ANK3: variants seen among roughly 807,000 people sequenced by gnomAD.
The protein encoded by ANK3 is ankyrin 3, also known as ankyrin-3.
ANK3 carries 57 observed loss-of-function variants against 370.9 expected under a neutral mutation model. The ratio of observed to expected loss-of-function variants is 0.15; its 90% CI spans 0.12 to 0.19. The LOEUF (loss-of-function observed/expected upper bound fraction) is 0.19. ANK3 is among the 10% of genes least tolerant of loss of function. The probability of loss-of-function intolerance (pLI) is 1.00; values close to 1 mark genes in which losing one functional copy is unlikely to be tolerated. For missense variants in ANK3, 4,439 were observed against 5,302.1 expected, an observed-to-expected ratio of 0.84 and a Z score of 5.06; for synonymous variants, 1,929 against 1,946.3, an observed-to-expected ratio of 0.99 and a Z score of 0.23.
At chr10:60,064,557 G>A (rs1028109249) in intron 38 of ANK3, among the ~76,000 whole-genome samples, 3 of 152,072 alleles carry the variant, frequency 2.0e-5, no homozygotes, top group African/African-American at 7.2e-5. Context: ...GCTGGGCACA[G>A]TGGCCCATAC....
At position 60,279,100 on chromosome 10, in the gene ANK3, C is replaced by A. The variant is rs759345233; in HGVS notation, c.265G>T (p.Val89Phe). 1.9e-6 allele frequency: 3 copies of A among 1,613,792 alleles called. No homozygotes were observed. The African/African-American group carries it at 4.0e-5, about 22-fold the overall frequency. ...TCTCTCTGCAGCAGCTCAGAAACAACCTCTACATGGCCTTCTTTGGAAGCA... is the reference window on the plus strand; with the variant it reads ...TCTCTCTGCAGCAGCTCAGAAACAAACTCTACATGGCCTTCTTTGGAAGCA... ...HLASKEGHVEVVSELLQREAN... is the reference protein window; with the variant it reads ...HLASKEGHVEFVSELLQREAN... Residue 89 changes from valine (V) to phenylalanine (F), a missense_variant, in exon 3 of 44, where the codon GTT becomes TTT. Transcript: ENST00000280772.
At chr10:60,722,601 G>T (rs1463756581) in intron 1 of ANK3, among the ~76,000 whole-genome samples, 1 of 152,126 alleles carries the variant, frequency 6.6e-6, no homozygotes, top group African/African-American at 2.4e-5. Flanking sequence ...GATGCTAAAG[G>T]ATATGGTTTG....
At chr10:60,677,610 A>T (rs2079141894) in intron 1 of ANK3, among the ~76,000 whole-genome samples, 1 of 152,120 alleles carries the variant, frequency 6.6e-6, no homozygotes, top group African/African-American at 2.4e-5. Context: ...AAACATCTGA[A>T]TTCCTTAGAT....
chr10:60,051,959 G>T (rs989311518), intron 42 of ANK3, among the ~76,000 whole-genome samples: 3 of 151,736 alleles, frequency 2.0e-5, no homozygotes, highest in Non-Finnish European at 2.9e-5. Context: ...TTGTAAATTG[G>T]GCCATATTTC....
chr10:60,298,553 T>C (rs1034572811), intron 1 of ANK3, among the ~76,000 whole-genome samples: 3 of 152,180 alleles, frequency 2.0e-5, no homozygotes, highest in Non-Finnish European at 4.4e-5. Context: ...ATCGGGTCAG[T>C]ACCCTTCCAG....
intron 2 of ANK3, among the ~76,000 whole-genome samples, chr10:60,592,337 G>C (rs1351921337): frequency 6.6e-6 from 1 of 152,136 alleles, no homozygotes; most frequent in Admixed American, 6.5e-5. Flanking sequence ...AGAATGTATA[G>C]GACAATGAAT....
At chr10:60,626,356 T>C (rs984329685) in intron 1 of ANK3, among the ~76,000 whole-genome samples, 1 of 152,134 alleles carries the variant, frequency 6.6e-6, no homozygotes, top group African/African-American at 2.4e-5. Flanking sequence ...AAATAGTAGG[T>C]CTAATAACAA....
At chr10:60,307,786 A>G (rs2045472655) in intron 1 of ANK3, among the ~76,000 whole-genome samples, 1 of 152,142 alleles carries the variant, frequency 6.6e-6, no homozygotes, top group Non-Finnish European at 1.5e-5. Flanking sequence ...AAACCCTACT[A>G]TCTTTTCATG....
chr10:60,075,037 T>C lies in ANK3; in HGVS notation c.5844A>G (p.Val1948=). The C allele has an allele frequency of 1.2e-6, 2 of 1,613,936 alleles. No homozygotes were observed. The highest frequency in any genetic ancestry group is 1.3e-5 in the African/African-American group (1 of 75,044). ...RIDDEEPFKI[V]EKVKEDLVKV... ...TCACTAAGTCTTCCTTTACTTTCTC[T>C]ACAATTTTGAAAGGTTCTTCATCAT... Residue 1948 remains valine, a synonymous_variant, in exon 37 of 44, where the codon GTA becomes GTG. Coordinates refer to ENST00000280772, the MANE Select transcript of ANK3 (RefSeq NM_020987.5).
chr10:60,243,822 A>G (rs1324947419), intron 7 of ANK3, among the ~76,000 whole-genome samples: 1 of 152,226 alleles, frequency 6.6e-6, no homozygotes, highest in African/African-American at 2.4e-5. Flanking sequence ...AAGATAAGGT[A>G]CTAAATCAGG....
intron 1 of ANK3, among the ~76,000 whole-genome samples, chr10:60,655,893 C>T (rs7900848): frequency 0.68 from 102,770 of 152,062 alleles, 34,918 homozygotes; most frequent in South Asian, 0.83. Context: ...TACTTAGCAT[C>T]GTGTTACAAT....
chr10:60,692,953 T>A (rs1464345566), intron 1 of ANK3, among the ~76,000 whole-genome samples: 1 of 152,158 alleles, frequency 6.6e-6, no homozygotes, highest in Non-Finnish European at 1.5e-5. Context: ...TTCTTAAGAT[T>A]ATAATAGGGG....
chr10:60,197,042 C>T (rs2096597794), intron 14 of ANK3, among the ~76,000 whole-genome samples: 1 of 152,070 alleles, frequency 6.6e-6, no homozygotes, highest in Admixed American at 6.6e-5. Flanking sequence ...GTTTGGAGGG[C>T]TTGGGAAAAT....
chr10:60,670,244 C>T (rs1437870020), intron 1 of ANK3, among the ~76,000 whole-genome samples: 6 of 152,150 alleles, frequency 3.9e-5, no homozygotes, highest in Admixed American at 3.9e-4. Flanking sequence ...AACCTCTCAA[C>T]CCTAACATGC....
intron 1 of ANK3, among the ~76,000 whole-genome samples, chr10:60,316,132 C>T (rs1002229551): frequency 6.6e-6 from 1 of 152,116 alleles, no homozygotes; most frequent in Admixed American, 6.6e-5. Context: ...CTTGAGAACT[C>T]CATACAACTT....
Position 60,358,118 on chromosome 10 carries a change from AC to A in ANK3, c.114+31306del, listed in dbSNP as rs2058062766. Among the ~76,000 whole-genome samples the A allele has an allele frequency of 1.5e-3, 113 of 76,914 alleles. No homozygotes were observed. The East Asian group carries it at 0.019, about 13-fold the overall frequency. 50.5% of individuals were successfully genotyped at this position (76,914 alleles called of 152,430 possible). On this transcript the variant is annotated intron_variant, in intron 1 of 43. Transcript: ENST00000280772. Reference sequence around the variant, plus strand: ...TATGTATACACACACACACACACACACAAACACACACACACACACACACACC... The same window carrying A: ...TATGTATACACACACACACACACACAAAACACACACACACACACACACACC...
intron 28 of ANK3, among the ~76,000 whole-genome samples, chr10:60,096,510 C>T (rs1181593024): frequency 1.3e-5 from 2 of 152,138 alleles, no homozygotes; most frequent in African/African-American, 2.4e-5. Flanking sequence ...CTGGCCAGTT[C>T]GTAAGAAACA....
intron 1 of ANK3, among the ~76,000 whole-genome samples, chr10:60,312,550 C>T (rs1315572466): frequency 2.0e-5 from 3 of 152,098 alleles, no homozygotes; most frequent in Admixed American, 6.6e-5. Flanking sequence ...TCTTGCCTTC[C>T]AACTATCAAA....
At chr10:60,272,147 G>C (rs2098001166) in intron 4 of ANK3, among the ~76,000 whole-genome samples, 1 of 150,366 alleles carries the variant, frequency 6.7e-6, no homozygotes, top group Admixed American at 6.7e-5. Flanking sequence ...AGGTCCGTGT[G>C]TCTTTCATCT....
Sources: allele counts gnomAD v4.1 joint callset (sites outside exome capture counted in the v4.1 genomes callset), GRCh38; gene constraint gnomAD v4.1.1; transcripts MANE v1.5; gene names NCBI Gene and HGNC (gene_info 2026-07-23, HGNC 2026-07-21).